The following EML1 variants were observed in gnomAD, a reference collection of about 807,000 sequenced individuals.
EML1 encodes the protein EMAP like 1.
EML1 carries 27 observed loss-of-function variants against 110.4 expected under a neutral mutation model. That is an observed-to-expected ratio of 0.24 (90% CI 0.18 to 0.34). EML1 has a LOEUF of 0.34. Among genes scored for constraint, EML1 ranks in the 10% least tolerant of loss-of-function variants. The pLI, the probability that EML1 is intolerant of heterozygous loss-of-function variation, is 1.00. For missense variants in EML1, 741 were observed against 1,030.9 expected (o/e 0.72, Z 3.85); for synonymous variants, 344 against 385.8 (o/e 0.89, Z 1.27).
chr14:99,803,769 T>C (rs2057923399), intron 1 of EML1, among the ~76,000 whole-genome samples: 2 of 152,266 alleles, frequency 1.3e-5, no homozygotes, highest in Admixed American at 1.3e-4. Flanking sequence ...CAAAAAGTTA[T>C]GTAACATGAA....
intron 1 of EML1, among the ~76,000 whole-genome samples, chr14:99,800,363 A>T (rs1294957337): frequency 2.0e-5 from 3 of 151,372 alleles, no homozygotes; most frequent in African/African-American, 4.9e-5. Flanking sequence ...AGTTTAATTA[A>T]TTATTTATTT....
intron 9 of EML1, among the ~76,000 whole-genome samples, chr14:99,904,377 A>G (rs188980655): frequency 2.0e-5 from 3 of 147,784 alleles, no homozygotes; most frequent in Admixed American, 2.0e-4. Flanking sequence ...AATCTAGGCA[A>G]AAAAAAATCC....
At chr14:99,847,868 A>G (rs1378983784) in intron 1 of EML1, among the ~76,000 whole-genome samples, 2 of 151,678 alleles carry the variant, frequency 1.3e-5, no homozygotes, top group Non-Finnish European at 2.9e-5. Context: ...CCATTCATAT[A>G]CTTTCAATCT....
chr14:99,866,570 CAAAAAAAA>C (rs57796662), intron 3 of EML1, among the ~76,000 whole-genome samples: 4 of 80,130 alleles, frequency 5.0e-5, no homozygotes, highest in South Asian at 6.4e-4. Context: ...AACTCCATCT[CAAAAAAAA>C]AAAAAAAAAA....
At chr14:99,903,473 C>G (rs947484438) in intron 9 of EML1, among the ~76,000 whole-genome samples, 1 of 152,118 alleles carries the variant, frequency 6.6e-6, no homozygotes, top group African/African-American at 2.4e-5. Flanking sequence ...GACAGAAAGT[C>G]TTAGGACAGC....
At chr14:99,795,672 C>T (rs894092993) in intron 1 of EML1, among the ~76,000 whole-genome samples, 2 of 152,178 alleles carry the variant, frequency 1.3e-5, no homozygotes, top group Admixed American at 6.5e-5. Flanking sequence ...TGCCATTTCA[C>T]TAGGAACTAA....
At chr14:99,825,241 C>T (rs996882913) in intron 1 of EML1, among the ~76,000 whole-genome samples, 2 of 152,220 alleles carry the variant, frequency 1.3e-5, no homozygotes, top group Admixed American at 1.3e-4. Context: ...CCACCTTGGC[C>T]TCCCAAAGTG....
intron 17 of EML1, among the ~76,000 whole-genome samples, chr14:99,932,014 A>C (rs1043574657): frequency 6.6e-6 from 1 of 152,160 alleles, no homozygotes; most frequent in African/African-American, 2.4e-5. Context: ...TCTCTGAGCC[A>C]CTGCCTGCAT....
intron 4 of EML1, among the ~76,000 whole-genome samples, chr14:99,890,388 G>A (rs1457789416): frequency 6.6e-6 from 1 of 152,236 alleles, no homozygotes. Context: ...CTGGAATGGA[G>A]ACGGTGCCAT....
In EML1 at chr14:99,781,514, C is replaced by T. The variant is rs2057539886; in HGVS notation, c.-27+7501C>T. On this transcript the variant is annotated intron_variant, in intron 1 of 22. Coordinates refer to the EML1 transcript ENST00000327921. This position sits in a 1 kb window ranked among gnomAD's most constrained non-coding sequence, Gnocchi z 4.2. ...CCCCACCCCACAGCTGGGAGGATGG[C>T]TGCCAGCCCAACCCAGGCTCACACC... Among the ~76,000 whole-genome samples the T allele has an allele frequency of 6.6e-6, 1 of 152,194 alleles. No individual in the cohort carries two copies. Among genetic ancestry groups the T allele is most frequent in the South Asian group, 2.1e-4 (1 of 4,830 alleles).
At chr14:99,822,870 C>T (rs2058287238) in intron 1 of EML1, among the ~76,000 whole-genome samples, 1 of 152,192 alleles carries the variant, frequency 6.6e-6, no homozygotes. Context: ...TTGGTTCCCG[C>T]TCAGGCTGCT....
At position 99,940,604 on chromosome 14, in the gene EML1, G is replaced by A. The variant is rs1340149169; in HGVS notation, c.*492G>A. The stretch of plus-strand genomic sequence containing the variant: ...ATAACTGATTTGCACAGCTGAATCA[G>A]GAGACACAAAGATGAGACTGTGTTT... On this transcript the variant is annotated 3_prime_UTR_variant, in exon 22 of 22. Transcript: ENST00000262233. 1 of 152,328 alleles carries A rather than the reference G, an allele frequency of 6.6e-6. No homozygotes were observed. The highest frequency in any genetic ancestry group is 1.5e-5 in the Non-Finnish European group (1 of 68,120). 9.4% of individuals were successfully genotyped at this position (152,328 alleles called of 1,614,324 possible). A position where few individuals can be genotyped will look rare whatever the true frequency, so the allele number is the denominator to read the frequency against.
upstream of EML1, among the ~76,000 whole-genome samples, chr14:99,768,507 G>A (rs941279050): frequency 6.6e-6 from 1 of 152,148 alleles, no homozygotes; most frequent in African/African-American, 2.4e-5. Context: ...GGAACTATCA[G>A]TCACTCCACA....
intron 5 of EML1, 106 bp downstream of exon 5, chr14:99,891,333 G>A: frequency 6.9e-7 from 1 of 1,457,080 alleles, no homozygotes; most frequent in Non-Finnish European, 9.5e-7. Context: ...GGACACACAG[G>A]AGCTTTGGTT....
At position 99,934,788 on chromosome 14, in the gene EML1, C is replaced by T. The variant is rs555489727; in HGVS notation, c.1910-1241C>T. ...CCTTTTCCCGGACTCACCTCCTGGC[C>T]GTGTTTCCTGTCCTGGGCATCGTGA... On this transcript the variant is annotated intron_variant, in intron 17 of 21. Coordinates refer to ENST00000262233, the MANE Select transcript of EML1 (RefSeq NM_004434.3). 7.2e-5 allele frequency among the ~76,000 whole-genome samples: 11 copies of T among 152,308 alleles called. No individual in the cohort carries two copies. In the South Asian group the frequency reaches 1.2e-3, roughly 17 times the overall value.
intron 2 of EML1, among the ~76,000 whole-genome samples, chr14:99,862,559 A>T (rs1480487071): frequency 1.3e-5 from 2 of 152,168 alleles, no homozygotes; most frequent in African/African-American, 4.8e-5. Context: ...CTGTAGCATA[A>T]ACTTACAGAT....
rs72708369 is a variant in EML1, at chr14:99,807,979, C to T, written c.67+14436C>T. Among the ~76,000 whole-genome samples the T allele has an allele frequency of 6.1e-3, 926 of 152,262 alleles. 6 individuals are homozygous for T. Among genetic ancestry groups the T allele is most frequent in the African/African-American group, 0.01 (429 of 41,540 alleles). On this transcript the variant is annotated intron_variant, in intron 1 of 21. Coordinates refer to ENST00000262233, the MANE Select transcript of EML1 (RefSeq NM_004434.3). ...CTCTGTGGTCATGCTTTATCAGTCACGAGCCCCTCCTTTTTCCGTATTTAA... is the reference window on the plus strand; with the variant it reads ...CTCTGTGGTCATGCTTTATCAGTCATGAGCCCCTCCTTTTTCCGTATTTAA...
chr14:99,845,283 C>G (rs1461197416), intron 1 of EML1, among the ~76,000 whole-genome samples: 1 of 152,134 alleles, frequency 6.6e-6, no homozygotes, highest in African/African-American at 2.4e-5. Flanking sequence ...ACATCTTTTC[C>G]TGTGCCTGCT....
At chr14:99,776,384 A>G (rs908395181) in intron 1 of EML1, among the ~76,000 whole-genome samples, 1 of 152,066 alleles carries the variant, frequency 6.6e-6, no homozygotes, top group African/African-American at 2.4e-5. Flanking sequence ...GGCACCAGCA[A>G]TCCCAGCTAC....
Sources: allele counts gnomAD v4.1 joint callset (sites outside exome capture counted in the v4.1 genomes callset), GRCh38; gene constraint gnomAD v4.1.1; non-coding constraint Gnocchi (gnomAD v3.1); transcripts MANE v1.5; gene names NCBI Gene and HGNC (gene_info 2026-07-23, HGNC 2026-07-21).